Variants in CPQ observed in about 807,000 individuals in gnomAD.
CPQ encodes the protein carboxypeptidase Q.
Under a neutral mutation model 45.7 loss-of-function variants are expected in CPQ, and 37 were observed. The observed-to-expected ratio is 0.81, with a 90% CI of 0.62 to 1.07. The LOEUF is 1.07. CPQ is among the 50% of genes least tolerant of loss of function. The pLI, the probability that CPQ is intolerant of heterozygous loss-of-function variation, is 0.00. For missense variants in CPQ, 537 were observed against 572.9 expected (o/e 0.94, Z 0.64); for synonymous variants, 186 against 205.8 (o/e 0.90, Z 0.82).
chr8:96,687,509 A>G (rs2130734594), intron 1 of CPQ, among the ~76,000 whole-genome samples: 1 of 152,178 alleles, frequency 6.6e-6, no homozygotes, highest in Admixed American at 6.5e-5. Flanking sequence ...GCACCTGGCC[A>G]CATGCCATTT....
chr8:96,789,041 A>G (rs1348033367), intron 2 of CPQ, among the ~76,000 whole-genome samples: 3 of 152,024 alleles, frequency 2.0e-5, no homozygotes, highest in Non-Finnish European at 4.4e-5. Context: ...TGTTGTCATC[A>G]TATCTGCCTT....
chr8:96,812,700 A>C (rs1319384595), intron 2 of CPQ, among the ~76,000 whole-genome samples: 1 of 152,040 alleles, frequency 6.6e-6, no homozygotes, highest in Non-Finnish European at 1.5e-5. Context: ...GATCTTTCTT[A>C]AAATCCTGGA....
chr8:96,689,003 T>C (rs1050709324), intron 1 of CPQ, among the ~76,000 whole-genome samples: 2 of 152,162 alleles, frequency 1.3e-5, no homozygotes, highest in Non-Finnish European at 2.9e-5. Context: ...TAGGCATGAA[T>C]TTATCCTATA....
At chr8:97,050,796 C>T (rs1810347683) in intron 6 of CPQ, among the ~76,000 whole-genome samples, 1 of 152,120 alleles carries the variant, frequency 6.6e-6, no homozygotes, top group Non-Finnish European at 1.5e-5. Context: ...TTAATAGAAT[C>T]CCTTTTCACT....
chr8:96,948,014 C>T (rs541190613), intron 4 of CPQ, among the ~76,000 whole-genome samples: 12 of 152,132 alleles, frequency 7.9e-5, no homozygotes, highest in African/African-American at 2.2e-4. Context: ...AAACAAGACA[C>T]GCAGATCTAG....
intron 1 of CPQ, among the ~76,000 whole-genome samples, chr8:96,744,339 G>C (rs115795984): frequency 6.6e-6 from 1 of 152,130 alleles, no homozygotes; most frequent in Admixed American, 6.5e-5. Flanking sequence ...TTCTGCTCTC[G>C]CACAGTGCGC....
At chr8:97,081,864 A>G (rs1046884816) in intron 7 of CPQ, among the ~76,000 whole-genome samples, 13 of 152,170 alleles carry the variant, frequency 8.5e-5, no homozygotes, top group African/African-American at 2.9e-4. Context: ...TAGGAAAGTC[A>G]TTTCACTCCT....
At chr8:96,908,745 G>GCA (rs1554577087) in intron 4 of CPQ, among the ~76,000 whole-genome samples, 2 of 16,906 alleles carry the variant, frequency 1.2e-4, no homozygotes, top group African/African-American at 3.0e-4. Context: ...TTATACACAT[G>GCA]CGCACACACA....
chr8:96,776,955 C>T (rs1810613404), intron 1 of CPQ, among the ~76,000 whole-genome samples: 1 of 152,100 alleles, frequency 6.6e-6, no homozygotes, highest in Non-Finnish European at 1.5e-5. Flanking sequence ...AGTGAAGGAA[C>T]AATAACTTCA....
intron 6 of CPQ, among the ~76,000 whole-genome samples, chr8:97,033,382 G>T (rs1032606510): frequency 1.3e-5 from 2 of 152,124 alleles, no homozygotes; most frequent in African/African-American, 4.8e-5. Flanking sequence ...TACAGAGATT[G>T]TATGTGGCCC....
At position 96,996,835 on chromosome 8, in the gene CPQ, C is replaced by T. The variant is rs575639896; in HGVS notation, c.961+30789C>T. Among the ~76,000 whole-genome samples, 4 of 151,910 alleles carry T rather than the reference C, an allele frequency of 2.6e-5. No individual in the cohort carries two copies. The East Asian group carries it at 5.8e-4, about 22-fold the overall frequency. On this transcript the variant is annotated intron_variant, in intron 5 of 7. Coordinates refer to ENST00000220763, the MANE Select transcript of CPQ (RefSeq NM_016134.4). ...TGATCATTCTTTTCAAAGACTTTAC[C>T]ATTTCCCCCAGAGCCTTGGTTGGTT...
intron 7 of CPQ, among the ~76,000 whole-genome samples, chr8:97,132,363 A>G (rs947865170): frequency 1.3e-5 from 2 of 152,240 alleles, no homozygotes; most frequent in African/African-American, 4.8e-5. Flanking sequence ...CACTCCTGCC[A>G]AACAGTCCTG....
rs1189258106 is a variant in CPQ at position 96,849,115 on chromosome 8, A to G, written c.641+13935A>G. On this transcript the variant is annotated intron_variant, in intron 3 of 7. Coordinates refer to ENST00000220763, the MANE Select transcript of CPQ (RefSeq NM_016134.4). ...CACAAATAAAACTGTGACTTCATAC[A>G]TAGATGCATTTGCTCTTTGAGCTCT... Among the ~76,000 whole-genome samples, 2 of 152,236 alleles carry G rather than the reference A, an allele frequency of 1.3e-5. 1 individual carries two copies. The highest frequency in any genetic ancestry group is 4.1e-4 in the South Asian group (2 of 4,838).
At chr8:97,038,731 G>A (rs945625869) in intron 6 of CPQ, among the ~76,000 whole-genome samples, 1 of 148,282 alleles carries the variant, frequency 6.7e-6, no homozygotes, top group Admixed American at 6.8e-5. Context: ...TAGGACTGCA[G>A]GTCATATGGT....
At chr8:97,008,139 TAA>T (rs61156664) in intron 5 of CPQ, among the ~76,000 whole-genome samples, 22 of 151,004 alleles carry the variant, frequency 1.5e-4, no homozygotes, top group African/African-American at 3.6e-4. Context: ...CCTCTTTATT[TAA>T]AAAAAAAAAT....
In CPQ at chr8:96,901,154, G is replaced by A. The variant is rs1229839689; in HGVS notation, c.849+21149G>A. 6.6e-5 allele frequency among the ~76,000 whole-genome samples: 10 copies of A among 152,230 alleles called. No individual in the cohort carries two copies. In the East Asian group the frequency reaches 7.7e-4, roughly 12 times the overall value. On this transcript the variant is annotated intron_variant, in intron 4 of 7. Transcript: ENST00000220763. ...CTCATCCATGGCCATAGCCTTTTCC[G>A]GTGTAGTCCCCATCTAATGATCAAT...
In CPQ at chr8:96,809,100, A is replaced by T. The variant is rs761056557; in HGVS notation, c.433+23770A>T. ...GTGCTTTGAGCTGTTTGACCAGAAG[A>T]TTCTTTAATGAGAATAAGGAATTAT... On this transcript the variant is annotated intron_variant, in intron 2 of 7. Transcript: ENST00000220763. Among the ~76,000 whole-genome samples, 11 of 152,282 alleles carry T rather than the reference A, an allele frequency of 7.2e-5. No individual in the cohort carries two copies. The East Asian group carries it at 1.9e-3, about 27-fold the overall frequency.
chr8:96,764,428 T>G (rs1229581418), intron 1 of CPQ, among the ~76,000 whole-genome samples: 1 of 152,206 alleles, frequency 6.6e-6, no homozygotes, highest in Admixed American at 6.5e-5. Flanking sequence ...TTCCTTATAA[T>G]ACGTTCATTA....
intron 1 of CPQ, among the ~76,000 whole-genome samples, chr8:96,760,344 C>T (rs568682314): frequency 1.3e-5 from 2 of 152,102 alleles, no homozygotes; most frequent in Non-Finnish European, 2.9e-5. Flanking sequence ...TTATCATTTC[C>T]ACTTTATGGA....
Sources: allele counts gnomAD v4.1 joint callset (sites outside exome capture counted in the v4.1 genomes callset), GRCh38; gene constraint gnomAD v4.1.1; transcripts MANE v1.5; gene names NCBI Gene and HGNC (gene_info 2026-07-23, HGNC 2026-07-21).